SGCZ: variants seen among roughly 807,000 people sequenced by gnomAD.
SGCZ encodes sarcoglycan zeta.
SGCZ carries 40 observed loss-of-function variants against 41.3 expected under a neutral mutation model. That is an observed-to-expected ratio of 0.97 (90% confidence interval 0.75 to 1.26). The LOEUF (loss-of-function observed/expected upper bound fraction) is 1.26. SGCZ is among the 50% of genes most tolerant of loss of function. The pLI is 0.00. For missense variants in SGCZ, 552 were observed against 369.8 expected (o/e 1.49, Z -4.04); for synonymous variants, 206 against 137.5 (o/e 1.50, Z -3.49).
intron 3 of SGCZ, among the ~76,000 whole-genome samples, chr8:14,299,685 G>C (rs1034628920): frequency 1.3e-5 from 2 of 151,720 alleles, no homozygotes; most frequent in African/African-American, 4.8e-5. Context: ...GTAGAGCAAT[G>C]GGATCTCTTT....
chr8:14,588,752 T>A (rs1175046562), intron 1 of SGCZ, among the ~76,000 whole-genome samples: 2 of 152,166 alleles, frequency 1.3e-5, no homozygotes, highest in African/African-American at 2.4e-5. Flanking sequence ...GTAGTCTGTG[T>A]AGTCTAATAG....
intron 2 of SGCZ, among the ~76,000 whole-genome samples, chr8:14,417,229 G>C (rs1012329478): frequency 3.3e-5 from 5 of 151,892 alleles, no homozygotes; most frequent in East Asian, 1.9e-4. Flanking sequence ...CTTCAACTCA[G>C]TTCGTAGTGC....
rs1334847146 is a variant in SGCZ, at chr8:14,422,130, A to T, written c.235-97926T>A. On this transcript the variant is annotated intron_variant, in intron 2 of 7. Coordinates refer to ENST00000382080, the MANE Select transcript of SGCZ (RefSeq NM_139167.4). ...AGTGGGTTCATTCAAAATTTTAGAAACGAGAAAACACAAATCTATCTAAAA... is the reference window on the plus strand; with the variant it reads ...AGTGGGTTCATTCAAAATTTTAGAATCGAGAAAACACAAATCTATCTAAAA... Among the ~76,000 whole-genome samples the T allele has an allele frequency of 2.0e-5, 3 of 152,314 alleles. 1 individual carries two copies. Among genetic ancestry groups the T allele is most frequent in the African/African-American group, 7.2e-5 (3 of 41,580 alleles).
At chr8:14,362,160 G>A (rs1426065897) in intron 2 of SGCZ, among the ~76,000 whole-genome samples, 1 of 152,168 alleles carries the variant, frequency 6.6e-6, no homozygotes, top group African/African-American at 2.4e-5. Context: ...CCTTGAGGAG[G>A]CAGTCTGTCC....
rs139710067 is a variant in SGCZ, at chr8:14,818,748, A to G, written c.40-263822T>C. On this transcript the variant is annotated intron_variant, in intron 1 of 7. Transcript: ENST00000382080. Reference sequence around the variant, plus strand: ...CAAAGAGAAAGATGTAATTAAAAATATCTTAGAGTTGAAGAATTCTATGAA... The same window carrying G: ...CAAAGAGAAAGATGTAATTAAAAATGTCTTAGAGTTGAAGAATTCTATGAA... Among the ~76,000 whole-genome samples, 423 of 152,260 alleles carry G rather than the reference A, an allele frequency of 2.8e-3. 2 individuals carry two copies. Among genetic ancestry groups the G allele is most frequent in the African/African-American group, 9.7e-3 (403 of 41,554 alleles).
chr8:14,603,389 A>C (rs1167671243), intron 1 of SGCZ, among the ~76,000 whole-genome samples: 2 of 152,082 alleles, frequency 1.3e-5, no homozygotes, highest in Non-Finnish European at 2.9e-5. Flanking sequence ...GGCTATTCAA[A>C]ATGCTAGGAT....
At chr8:14,181,182 G>T (rs925651759) in intron 4 of SGCZ, among the ~76,000 whole-genome samples, 5 of 152,118 alleles carry the variant, frequency 3.3e-5, no homozygotes, top group Non-Finnish European at 5.9e-5. Context: ...ATTTATGAGG[G>T]TCCCTACTAA....
rs1801619802 is a variant in SGCZ at position 14,089,456 on chromosome 8, C to G, written c.*987G>C. ...AGAATTTATTCTCAGCATTATGCAT[C>G]ATATTAGTATTATTTATTTAGAAGA... On this transcript the variant is annotated 3_prime_UTR_variant, in exon 8 of 8. Transcript: ENST00000382080. Among the ~76,000 whole-genome samples, 1 of 152,036 alleles carries G rather than the reference C, an allele frequency of 6.6e-6. No homozygotes were observed. Among genetic ancestry groups the G allele is most frequent in the Non-Finnish European group, 1.5e-5 (1 of 67,936 alleles).
intron 2 of SGCZ, among the ~76,000 whole-genome samples, chr8:14,423,582 A>G (rs1799694620): frequency 6.6e-6 from 1 of 151,864 alleles, no homozygotes; most frequent in African/African-American, 2.4e-5. Flanking sequence ...ATACCTGGCT[A>G]ATTTTGTATT....
At chr8:14,368,436 T>C (rs760050439) in intron 2 of SGCZ, among the ~76,000 whole-genome samples, 1 of 152,054 alleles carries the variant, frequency 6.6e-6, no homozygotes, top group South Asian at 2.1e-4. Context: ...AGCAATTAGA[T>C]GAAATAAGTA....
At chr8:14,457,882 C>T (rs112536386) in intron 2 of SGCZ, among the ~76,000 whole-genome samples, 3,742 of 152,214 alleles carry the variant, frequency 0.025, 175 homozygotes, top group African/African-American at 0.086. Flanking sequence ...CCGGTCTCCG[C>T]GCATTGGTGG....
chr8:14,609,553 T>A (rs1030510245), intron 1 of SGCZ, among the ~76,000 whole-genome samples: 3 of 152,210 alleles, frequency 2.0e-5, no homozygotes, highest in Non-Finnish European at 4.4e-5. Flanking sequence ...CCTCAATTTA[T>A]CAACACTATA....
chr8:14,709,548 A>G (rs1274250832), intron 1 of SGCZ, among the ~76,000 whole-genome samples: 9 of 152,192 alleles, frequency 5.9e-5, no homozygotes, highest in Admixed American at 5.9e-4. Context: ...TAGGTTTGCT[A>G]ATTCGCTTGT....
At chr8:14,297,366 G>A (rs1563242428) in intron 3 of SGCZ, among the ~76,000 whole-genome samples, 3 of 151,706 alleles carry the variant, frequency 2.0e-5, no homozygotes, top group Non-Finnish European at 4.4e-5. Context: ...GCAAAAAAGG[G>A]AGTAAATTAA....
chr8:14,095,145 C>G (rs1563122391), intron 7 of SGCZ, among the ~76,000 whole-genome samples: 1 of 152,100 alleles, frequency 6.6e-6, no homozygotes, highest in Non-Finnish European at 1.5e-5. Context: ...TCCTATTTGT[C>G]AATACTGGCT....
chr8:14,910,213 T>G (rs191689503), intron 1 of SGCZ, among the ~76,000 whole-genome samples: 4 of 152,130 alleles, frequency 2.6e-5, no homozygotes, highest in Admixed American at 1.3e-4. Context: ...TTTAATCATT[T>G]GTTAAATTTG....
intron 3 of SGCZ, among the ~76,000 whole-genome samples, chr8:14,266,801 G>C (rs1177725523): frequency 6.6e-6 from 1 of 152,026 alleles, no homozygotes; most frequent in Non-Finnish European, 1.5e-5. Context: ...AGTAAATTAT[G>C]ATGAAACTTC....
At chr8:15,085,780 A>G (rs530870373) in intron 1 of SGCZ, among the ~76,000 whole-genome samples, 13 of 152,100 alleles carry the variant, frequency 8.5e-5, no homozygotes, top group Admixed American at 7.2e-4. Flanking sequence ...TCTTCTGACA[A>G]GGGACTCCTG....
intron 1 of SGCZ, among the ~76,000 whole-genome samples, chr8:14,921,502 C>T (rs1362260313): frequency 6.6e-6 from 1 of 150,696 alleles, no homozygotes; most frequent in East Asian, 2.0e-4. Flanking sequence ...CAATAAATGT[C>T]ATCTAATTTT....
Sources: allele counts gnomAD v4.1 joint callset (sites outside exome capture counted in the v4.1 genomes callset), GRCh38; gene constraint gnomAD v4.1.1; transcripts MANE v1.5; gene names NCBI Gene and HGNC (gene_info 2026-07-23, HGNC 2026-07-21).